Variants in TMEM161B observed in about 807,000 individuals in gnomAD.
TMEM161B encodes transmembrane protein 161B.
In TMEM161B, 34 loss-of-function variants were observed where a neutral mutation model predicts 61.8. The observed-to-expected ratio is 0.55, with a 90% CI of 0.42 to 0.73. The LOEUF (loss-of-function observed/expected upper bound fraction) is 0.73, where lower values mean the gene tolerates loss of function less well. Ranked by LOEUF, TMEM161B falls within the 30% of genes least tolerant of loss-of-function variation. The pLI is 0.00. For synonymous variants in TMEM161B, 167 were observed against 192.8 expected, an observed-to-expected ratio of 0.87 and a Z score of 1.11; for missense variants, 456 against 558.5, an observed-to-expected ratio of 0.82 and a Z score of 1.85.
intron 1 of TMEM161B, among the ~76,000 whole-genome samples, chr5:88,262,296 C>A (rs939587120): frequency 1.3e-5 from 2 of 152,140 alleles, no homozygotes; most frequent in Admixed American, 6.5e-5. Context: ...GCAATGGGAA[C>A]TCTGATTCAT....
At chr5:88,256,199 TAA>T (rs1035595860) in intron 1 of TMEM161B, among the ~76,000 whole-genome samples, 2 of 152,146 alleles carry the variant, frequency 1.3e-5, no homozygotes, top group African/African-American at 4.8e-5. Flanking sequence ...TTTCCACAGT[TAA>T]AAGAGGTTGA....
chr5:88,242,164 T>C (rs544199473), intron 1 of TMEM161B, among the ~76,000 whole-genome samples: 10 of 151,858 alleles, frequency 6.6e-5, no homozygotes, highest in African/African-American at 2.2e-4. Flanking sequence ...CAACCTCATA[T>C]TCACAGCCAC....
intron 1 of TMEM161B, among the ~76,000 whole-genome samples, chr5:88,247,986 A>G (rs1039482429): frequency 2.6e-5 from 4 of 152,182 alleles, no homozygotes; most frequent in African/African-American, 9.6e-5. Context: ...AGACAGGAAG[A>G]GGATTCTATG....
At position 88,240,796 on chromosome 5, in the gene TMEM161B, G is replaced by C. The variant is rs1366358063; in HGVS notation, c.107+17C>G. ...AGATTGAAAGTGTCAGTTGAAATCAGCCTATCCTTGCCTTACCTGCCATTA... is the reference window on the plus strand; with the variant it reads ...AGATTGAAAGTGTCAGTTGAAATCACCCTATCCTTGCCTTACCTGCCATTA... On this transcript the variant is annotated intron_variant, in intron 2 of 11. Transcript: ENST00000296595. The C allele has an allele frequency of 6.4e-7, 1 of 1,568,748 alleles. No individual in the cohort carries two copies. The highest frequency in any genetic ancestry group is 8.8e-7 in the Non-Finnish European group (1 of 1,139,544).
rs138760434 is a variant in TMEM161B at position 88,244,609 on chromosome 5, G to C, written c.4-3693C>G. 3.7e-3 allele frequency among the ~76,000 whole-genome samples: 534 copies of C among 144,306 alleles called. 5 individuals carry two copies. Among genetic ancestry groups the C allele is most frequent in the African/African-American group, 0.01 (401 of 38,530 alleles). 94.7% of individuals were successfully genotyped at this position (144,306 alleles called of 152,430 possible). A position where few individuals can be genotyped will look rare whatever the true frequency, so the allele number is the denominator to read the frequency against. On this transcript the variant is annotated intron_variant, in intron 1 of 11. Coordinates refer to ENST00000296595, the MANE Select transcript of TMEM161B (RefSeq NM_153354.5). ...CTTTTTTTTTTTTTTTTGCTTAGGA[G>C]TGCCATAGCTATTTGAGCTTTTTTG...
chr5:88,199,250 A>C (rs1057495949), intron 9 of TMEM161B, 100 bp from the exon 10 acceptor site: 1 of 1,189,004 alleles, frequency 8.4e-7, no homozygotes, highest in Non-Finnish European at 1.2e-6. Context: ...AGAAGTCTAT[A>C]CTTCGCAACA....
At position 88,268,730 on chromosome 5, in the gene TMEM161B, T is replaced by C. The variant is rs755506626; in HGVS notation, c.-7A>G. 5.6e-6 allele frequency: 9 copies of C among 1,613,890 alleles called. No individual in the cohort carries two copies. In the African/African-American group the frequency reaches 6.7e-5, roughly 12 times the overall value. On this transcript the variant is annotated 5_prime_UTR_variant, in exon 1 of 12. Coordinates refer to ENST00000296595, the MANE Select transcript of TMEM161B (RefSeq NM_153354.5). ...TCACAGAAGAACTCACCATGGCGCC[T>C]AGGATAGGTCGTGGACCAGACACCC... is the stretch of plus-strand genomic sequence containing the variant.
chr5:88,244,890 T>C (rs780402), intron 1 of TMEM161B, among the ~76,000 whole-genome samples: 117,894 of 151,694 alleles, frequency 0.78, 45,970 homozygotes, highest in South Asian at 0.86. Context: ...AGGAATTTTA[T>C]TCTTTTTGTG....
chr5:88,225,339 G>C (rs894249080), intron 4 of TMEM161B, among the ~76,000 whole-genome samples: 1 of 152,032 alleles, frequency 6.6e-6, no homozygotes, highest in South Asian at 2.1e-4. Flanking sequence ...GTTAGGTTAT[G>C]GGGGGTAAAA....
chr5:88,219,216 A>C (rs1209754787), intron 5 of TMEM161B, among the ~76,000 whole-genome samples: 4 of 152,234 alleles, frequency 2.6e-5, no homozygotes, highest in Non-Finnish European at 2.9e-5. Flanking sequence ...ATACTGTTCT[A>C]AAAACATGAC....
chr5:88,202,553 T>G (rs567647058), intron 9 of TMEM161B: 124 of 184,098 alleles, frequency 6.7e-4, no homozygotes, highest in Middle Eastern at 4.7e-3. Context: ...GAAGCAAATA[T>G]GGAAAATGTT....
chr5:88,246,201 T>C (rs1379201202), intron 1 of TMEM161B, among the ~76,000 whole-genome samples: 1 of 151,734 alleles, frequency 6.6e-6, no homozygotes, highest in East Asian at 1.9e-4. Context: ...GCTAAATAAA[T>C]ATATTATTAT....
At chr5:88,218,568 G>A (rs905514392) in intron 5 of TMEM161B, among the ~76,000 whole-genome samples, 6 of 152,158 alleles carry the variant, frequency 3.9e-5, no homozygotes, top group African/African-American at 1.2e-4. Context: ...CAGGAACCTG[G>A]AGGCCAGGAG....
intron 1 of TMEM161B, among the ~76,000 whole-genome samples, chr5:88,242,107 T>C (rs1284965022): frequency 2.0e-5 from 3 of 151,780 alleles, no homozygotes; most frequent in Non-Finnish European, 4.4e-5. Context: ...GTCTCTTTCA[T>C]TTTTTCTAGA....
intron 4 of TMEM161B, among the ~76,000 whole-genome samples, chr5:88,225,105 C>T (rs1749801301): frequency 6.6e-6 from 1 of 151,618 alleles, no homozygotes; most frequent in South Asian, 2.1e-4. Context: ...GTAGCTGGGA[C>T]TACAGGCGCC....
At chr5:88,209,600 C>T (rs192468497) in intron 5 of TMEM161B, among the ~76,000 whole-genome samples, 34 of 152,260 alleles carry the variant, frequency 2.2e-4, no homozygotes, top group African/African-American at 6.7e-4. Context: ...AGTCCCACAC[C>T]ACAAATGCCT....
chr5:88,199,241 G>A, intron 9 of TMEM161B, 91 bp from the exon 10 acceptor site: 1 of 1,306,348 alleles, frequency 7.7e-7, no homozygotes, highest in South Asian at 1.6e-5. Context: ...TAAGATATAA[G>A]AAGTCTATAC....
At chr5:88,241,611 A>C (rs1052008619) in intron 1 of TMEM161B, among the ~76,000 whole-genome samples, 1 of 151,950 alleles carries the variant, frequency 6.6e-6, no homozygotes, top group South Asian at 2.1e-4. Context: ...ACGAAGTGTG[A>C]TGGCAGAACT....
intron 5 of TMEM161B, 130 bp from the exon 6 acceptor site, chr5:88,207,310 T>C: frequency 2.3e-6 from 2 of 879,742 alleles, no homozygotes; most frequent in Non-Finnish European, 1.7e-6. Flanking sequence ...AAAACACTTT[T>C]AAATTAAGGA....
Sources: gnomAD v4.1 joint callset for allele counts (sites outside exome capture counted in the v4.1 genomes callset) on GRCh38, gnomAD v4.1.1 for gene constraint, MANE v1.5 for transcripts, NCBI Gene and HGNC (gene_info 2026-07-23, HGNC 2026-07-21) for gene names.